Variants in CERS4 observed in about 807,000 individuals in gnomAD.
CERS4 encodes the protein LAG1 homolog, ceramide synthase 4.
In CERS4, 65 loss-of-function variants were observed where a neutral mutation model predicts 51.8. The ratio of observed to expected loss-of-function variants is 1.26; its 90% CI spans 1.03 to 1.54. The LOEUF is 1.54. Ranked by LOEUF, CERS4 falls within the 40% of genes most tolerant of loss-of-function variation. The pLI is 0.00. For synonymous variants in CERS4, 228 were observed against 208.4 expected, an observed-to-expected ratio of 1.09 and a Z score of -0.81; for missense variants, 563 against 500.4, an observed-to-expected ratio of 1.13 and a Z score of -1.19.
chr19:8,234,970 A>T (rs1968175309), intron 2 of CERS4, among the ~76,000 whole-genome samples: 2 of 147,894 alleles, frequency 1.4e-5, no homozygotes, highest in Non-Finnish European at 3.0e-5. Flanking sequence ...CGTCCTCAAG[A>T]TTTATCCATA....
chr19:8,231,851 A>ATTTTTTTTTTTTTTTTT lies in CERS4; in HGVS notation c.-1-19219_-1-19203dup, dbSNP rs3042169. On this transcript the variant is annotated intron_variant, in intron 2 of 11. Transcript: ENST00000251363. ...ACAAGCATGAGGCACTGTGCCCAGCATTTTTTTTTTTTTTTTTTTTTTAGA... is the reference window on the plus strand; with the variant it reads ...ACAAGCATGAGGCACTGTGCCCAGCATTTTTTTTTTTTTTTTTTTTTTTTTTTTTTTTTTTTTTTAGA... Among the ~76,000 whole-genome samples the ATTTTTTTTTTTTTTTTT allele has an allele frequency of 1.7e-3, 181 of 104,388 alleles. 15 individuals are homozygous for ATTTTTTTTTTTTTTTTT. The highest frequency in any genetic ancestry group is 4.6e-3 in the African/African-American group (111 of 24,002). The allele number at this position is 104,388 out of a possible 152,430, so 68.5% of individuals were successfully genotyped here.
rs1968354512 is a variant in CERS4, at chr19:8,238,080, G to A, written c.-1-12996G>A. On this transcript the variant is annotated intron_variant, in intron 2 of 11. Coordinates refer to ENST00000251363, the MANE Select transcript of CERS4 (RefSeq NM_024552.3). ...GCTCCACTACTCCACCTCTGGGGCT[G>A]GGGACTGCTCATTTTTTCCCTCCAA... is the stretch of plus-strand genomic sequence containing the variant. Among the ~76,000 whole-genome samples the A allele has an allele frequency of 3.9e-5, 6 of 152,092 alleles. No individual in the cohort carries two copies. In the South Asian group the frequency reaches 1.2e-3, roughly 32 times the overall value.
Position 8,247,490 on chromosome 19 carries a change from G to C in CERS4, c.-1-3586G>C, listed in dbSNP as rs558882251. On this transcript the variant is annotated intron_variant, in intron 2 of 11. Transcript: ENST00000251363. The stretch of plus-strand genomic sequence containing the variant: ...GCTGGAGTATAGTGGTGTGATCGTA[G>C]CTCCCTGCAGCCTCAAACTCCTGGG... 2.0e-5 allele frequency among the ~76,000 whole-genome samples: 3 copies of C among 152,074 alleles called. 1 individual carries two copies. The South Asian group carries it at 6.2e-4, about 32-fold the overall frequency.
At chr19:8,240,774 C>T (rs942032162) in intron 2 of CERS4, among the ~76,000 whole-genome samples, 1 of 152,086 alleles carries the variant, frequency 6.6e-6, no homozygotes, top group African/African-American at 2.4e-5. Flanking sequence ...CTTGGGGGTT[C>T]GGGGAAGCCG....
At position 8,226,411 on chromosome 19, in the gene CERS4, G is replaced by A. The variant is rs535935003; in HGVS notation, c.-2+15549G>A. On this transcript the variant is annotated intron_variant, in intron 2 of 11. Coordinates refer to ENST00000251363, the MANE Select transcript of CERS4 (RefSeq NM_024552.3). ...GAACAGTCTGGCTTTGCACCTGCTT[G>A]GCCCTATATGAATCTACCTCCATGT... Among the ~76,000 whole-genome samples the A allele has an allele frequency of 3.3e-5, 5 of 152,204 alleles. 1 individual carries two copies. The South Asian group carries it at 1.0e-3, about 32-fold the overall frequency.
chr19:8,259,603 G>A (rs955039845), intron 10 of CERS4, among the ~76,000 whole-genome samples: 1 of 152,114 alleles, frequency 6.6e-6, no homozygotes, highest in Non-Finnish European at 1.5e-5. Flanking sequence ...GGCGAGAGAA[G>A]TGGGCAGACT....
At chr19:8,228,184 G>A (rs1325069814) in intron 2 of CERS4, among the ~76,000 whole-genome samples, 1 of 151,694 alleles carries the variant, frequency 6.6e-6, no homozygotes, top group Non-Finnish European at 1.5e-5. Context: ...CGTCCGCCTC[G>A]GCCTCCCAAA....
At chr19:8,249,587 ATTT>A (rs869119452) in intron 2 of CERS4, among the ~76,000 whole-genome samples, 3,597 of 91,226 alleles carry the variant, frequency 0.039, 69 homozygotes, top group Middle Eastern at 0.069. Context: ...GGAACTCTGG[ATTT>A]TTTTTTTTTT....
At chr19:8,246,651 CAT>C (rs1418734901) in intron 2 of CERS4, among the ~76,000 whole-genome samples, 4 of 152,024 alleles carry the variant, frequency 2.6e-5, no homozygotes, top group Admixed American at 2.0e-4. Flanking sequence ...TGTGTGCTGA[CAT>C]GTGTAGGGGC....
chr19:8,255,131 C>A (rs902158350), intron 4 of CERS4, among the ~76,000 whole-genome samples: 1 of 152,086 alleles, frequency 6.6e-6, no homozygotes, highest in African/African-American at 2.4e-5. Flanking sequence ...GGCGTGGCTG[C>A]GTCCTGAGTG....
At chr19:8,244,118 C>T (rs1187828947) in intron 2 of CERS4, among the ~76,000 whole-genome samples, 2 of 152,206 alleles carry the variant, frequency 1.3e-5, no homozygotes, top group East Asian at 1.9e-4. Context: ...GGGAGAAAGA[C>T]CCAACTAGCC....
At chr19:8,217,788 C>T (rs1011203665) in intron 2 of CERS4, among the ~76,000 whole-genome samples, 1 of 152,086 alleles carries the variant, frequency 6.6e-6, no homozygotes, top group Non-Finnish European at 1.5e-5. Flanking sequence ...CCGCCCGCCT[C>T]GGCCTCCCAA....
chr19:8,218,579 C>G (rs1568498110), intron 2 of CERS4, among the ~76,000 whole-genome samples: 1 of 152,062 alleles, frequency 6.6e-6, no homozygotes, highest in Admixed American at 6.6e-5. Flanking sequence ...ACAAAGGCCT[C>G]GAATGCCAGG....
At chr19:8,219,544 C>T (rs1482483478) in intron 2 of CERS4, among the ~76,000 whole-genome samples, 1 of 152,126 alleles carries the variant, frequency 6.6e-6, no homozygotes, top group Non-Finnish European at 1.5e-5. Context: ...GGGCTGGGCA[C>T]AGTGGCTTAT....
chr19:8,251,204 T>C lies in CERS4; in HGVS notation c.128T>C (p.Leu43Pro). 6.2e-7 allele frequency: 1 copy of C among 1,612,704 alleles called. No homozygotes were observed. Among genetic ancestry groups the C allele is most frequent in the Non-Finnish European group, 8.5e-7 (1 of 1,179,474 alleles). Residue 43 changes from leucine (L) to proline (P), a missense_variant, in exon 3 of 12, where the codon CTG becomes CCG. Leu to Pro is a moderately conservative substitution (Grantham distance 98). Coordinates refer to ENST00000251363, the MANE Select transcript of CERS4 (RefSeq NM_024552.3). ...YPHPQDLLAALPLALVLLAMR... is the reference protein window; with the variant it reads ...YPHPQDLLAAPPLALVLLAMR... Reference sequence around the variant, plus strand: ...CACCCCCAGGACTTGTTGGCAGCCCTGCCCCTGGCGCTGGTCCTCCTGGCC... The same window carrying C: ...CACCCCCAGGACTTGTTGGCAGCCCCGCCCCTGGCGCTGGTCCTCCTGGCC...
At position 8,254,752 on chromosome 19, in the gene CERS4, C is replaced by T. The variant is rs1001949249; in HGVS notation, c.291+136C>T. 33 of 724,120 alleles carry T rather than the reference C, an allele frequency of 4.6e-5. 1 individual carries two copies. The highest frequency in any genetic ancestry group is 4.6e-5 in the Admixed American group (2 of 43,208). 44.9% of individuals were successfully genotyped at this position (724,120 alleles called of 1,614,324 possible). A position where few individuals can be genotyped will look rare whatever the true frequency, so the allele number is the denominator to read the frequency against. ...CCCTGCAATGCCCCTACTTTCCACTCTTCATCCTCAATTCCCTGGGAAAGG... is the reference window on the plus strand; with the variant it reads ...CCCTGCAATGCCCCTACTTTCCACTTTTCATCCTCAATTCCCTGGGAAAGG... On this transcript the variant is annotated intron_variant, in intron 4 of 11. Coordinates refer to ENST00000251363, the MANE Select transcript of CERS4 (RefSeq NM_024552.3).
intron 2 of CERS4, chr19:8,250,770 C>T (rs1260974341): frequency 2.8e-6 from 3 of 1,090,404 alleles, no homozygotes; most frequent in Non-Finnish European, 3.4e-6. Context: ...CTCTGTTTTA[C>T]AGATGAACTT....
Position 8,255,812 on chromosome 19 carries a change from C to T in CERS4, c.411-10C>T, listed in dbSNP as rs1199195606. The T allele has an allele frequency of 1.2e-6, 2 of 1,613,838 alleles. No homozygotes were observed. The highest frequency in any genetic ancestry group is 1.7e-6 in the Non-Finnish European group (2 of 1,180,008). The stretch of plus-strand genomic sequence containing the variant: ...GTCTGCTATTTTCACAGCTCCCTCC[C>T]CATCCACAGCTGGAGGTTTCTCTTC... On this transcript the variant is annotated splice_polypyrimidine_tract_variant and intron_variant, in intron 5 of 11. Transcript: ENST00000251363.
chr19:8,258,346 G>A (rs993430762), intron 10 of CERS4, among the ~76,000 whole-genome samples: 1 of 152,158 alleles, frequency 6.6e-6, no homozygotes, highest in Non-Finnish European at 1.5e-5. Flanking sequence ...GCATGGGTGG[G>A]AGCAGATGGT....
Sources: gnomAD v4.1 joint callset for allele counts (sites outside exome capture counted in the v4.1 genomes callset) on GRCh38, gnomAD v4.1.1 for gene constraint, MANE v1.5 for transcripts, NCBI Gene and HGNC (gene_info 2026-07-23, HGNC 2026-07-21) for gene names.